The following CLUL1 variants were observed in gnomAD, a reference collection of about 807,000 sequenced individuals.
The protein encoded by CLUL1 is clusterin like 1.
In CLUL1, 43 loss-of-function variants were observed where a neutral mutation model predicts 49.4. That is an observed-to-expected ratio of 0.87 (90% CI 0.68 to 1.12). The LOEUF (loss-of-function observed/expected upper bound fraction) is 1.12, where lower values mean the gene tolerates loss of function less well. Ranked by LOEUF, CLUL1 falls within the 50% of genes most tolerant of loss-of-function variation. The pLI is 0.00. For missense variants in CLUL1, 486 were observed against 544.4 expected, an observed-to-expected ratio of 0.89 and a Z score of 1.07; for synonymous variants, 192 against 184.9, an observed-to-expected ratio of 1.04 and a Z score of -0.31.
At chr18:608,602 C>T (rs779646953) in intron 2 of CLUL1, among the ~76,000 whole-genome samples, 2 of 152,182 alleles carry the variant, frequency 1.3e-5, no homozygotes, top group Non-Finnish European at 2.9e-5. Flanking sequence ...CCTGTAGTCT[C>T]AGTGCTTTAG....
rs1161315710 is a variant in CLUL1, at chr18:619,318, C to G, written c.212C>G (p.Thr71Ser). Residue 71 changes from threonine to serine, a missense_variant, in exon 4 of 10, where the codon ACC becomes AGC. Physicochemically the swap from Thr to Ser is moderately conservative, Grantham distance 58. Transcript: ENST00000692774. ...ATGGAAAGAAAAGAGAAGGAACACACCAATCTAATGAGCACCCTGAAGAAA... is the reference window on the plus strand; with the variant it reads ...ATGGAAAGAAAAGAGAAGGAACACAGCAATCTAATGAGCACCCTGAAGAAA... ...IMMERKEKEHTNLMSTLKKCR... is the reference protein window; with the variant it reads ...IMMERKEKEHSNLMSTLKKCR... 1.9e-6 allele frequency: 3 copies of G among 1,613,692 alleles called. No homozygotes were observed. Among genetic ancestry groups the G allele is most frequent in the African/African-American group, 2.7e-5 (2 of 74,882 alleles).
chr18:634,608 C>T (rs1454488953), intron 7 of CLUL1, among the ~76,000 whole-genome samples: 1 of 152,112 alleles, frequency 6.6e-6, no homozygotes, highest in Non-Finnish European at 1.5e-5. Flanking sequence ...AGAACCCCTG[C>T]CCCCAACCAT....
Position 632,892 on chromosome 18 carries a change from T to C in CLUL1, c.857-406T>C, listed in dbSNP as rs553363158. On this transcript the variant is annotated intron_variant, in intron 6 of 9. Coordinates refer to ENST00000692774, the MANE Select transcript of CLUL1 (RefSeq NM_001393344.1). ...AAAAAGGGCCAGGGGCGGTGGCTCA[T>C]GCCTGTAATCCCAGCACTTTGGGAG... Among the ~76,000 whole-genome samples the C allele has an allele frequency of 2.8e-3, 421 of 152,288 alleles. 5 individuals are homozygous for C. The highest frequency in any genetic ancestry group is 9.6e-3 in the African/African-American group (397 of 41,562).
chr18:645,290 G>A, intron 9 of CLUL1, 193 bp downstream of exon 9: 1 of 460,084 alleles, frequency 2.2e-6, no homozygotes. Flanking sequence ...ATCCTGATAG[G>A]AATGTGATGA....
intron 6 of CLUL1, among the ~76,000 whole-genome samples, chr18:631,144 G>A (rs1197996307): frequency 2.6e-5 from 4 of 152,120 alleles, no homozygotes; most frequent in East Asian, 1.9e-4. Context: ...AAAGGAGAGC[G>A]GAAATAAAAA....
chr18:626,908 AAAG>A (rs1567966474), intron 5 of CLUL1, among the ~76,000 whole-genome samples, 186 bp from the exon 6 acceptor site: 14 of 758 alleles, frequency 0.018, 3 homozygotes, highest in East Asian at 1. Context: ...AGAAAGAAAG[AAAG>A]AAAGAAAGAA....
chr18:613,377 A>G (rs1226636214), intron 2 of CLUL1: 2 of 273,092 alleles, frequency 7.3e-6, no homozygotes, highest in Non-Finnish European at 1.4e-5. Context: ...GACCCAAGTG[A>G]TCTGCCTGCC....
intron 7 of CLUL1, among the ~76,000 whole-genome samples, chr18:640,569 C>T (rs1228061895): frequency 2.6e-5 from 4 of 151,858 alleles, no homozygotes; most frequent in African/African-American, 4.8e-5. Context: ...GTGTAGTTTG[C>T]AAGGGTTAGC....
At chr18:637,844 T>C (rs956613676) in intron 7 of CLUL1, among the ~76,000 whole-genome samples, 62 of 152,140 alleles carry the variant, frequency 4.1e-4, no homozygotes, top group African/African-American at 1.4e-3. Context: ...TATGGTGGTA[T>C]GAACCTGTAA....
Position 643,784 on chromosome 18 carries a change from G to T in CLUL1, c.1210-1126G>T, listed in dbSNP as rs541476527. The stretch of plus-strand genomic sequence containing the variant: ...TTCTAAGAACTTTTTCCATATATCA[G>T]ATCATTTAATACCCTCAATGACCCT... On this transcript the variant is annotated intron_variant, in intron 8 of 9. Coordinates refer to ENST00000692774, the MANE Select transcript of CLUL1 (RefSeq NM_001393344.1). 7.9e-5 allele frequency among the ~76,000 whole-genome samples: 12 copies of T among 152,284 alleles called. 1 individual carries two copies. The South Asian group carries it at 2.5e-3, about 32-fold the overall frequency.
At position 606,393 on chromosome 18, in the gene CLUL1, T is replaced by G. The variant is rs2072974601; in HGVS notation, c.-135-585T>G. On this transcript the variant is annotated intron_variant, in intron 1 of 9. Transcript: ENST00000692774. This position sits in a 1 kb window ranked among gnomAD's most constrained non-coding sequence, Gnocchi z 4.1. ...CCAACCTTTCTCTGAGGGAACCTAC[T>G]GGCCACCTCCCTCTTAGGACCAGCC... Among the ~76,000 whole-genome samples, 1 of 152,232 alleles carries G rather than the reference T, an allele frequency of 6.6e-6. No individual in the cohort carries two copies. The highest frequency in any genetic ancestry group is 1.5e-5 in the Non-Finnish European group (1 of 68,038).
chr18:614,299 A>G (rs2073226161), intron 2 of CLUL1, among the ~76,000 whole-genome samples: 1 of 141,996 alleles, frequency 7.0e-6, no homozygotes, highest in African/African-American at 2.6e-5. Flanking sequence ...GGAAAGAAGG[A>G]AGGGAGGAAG....
At chr18:630,108 T>A (rs947416858) in intron 6 of CLUL1, among the ~76,000 whole-genome samples, 10 of 152,126 alleles carry the variant, frequency 6.6e-5, no homozygotes, top group African/African-American at 2.4e-4. Context: ...CTGACTTTAT[T>A]TTTATTTATT....
chr18:618,021 G>A lies in CLUL1; in HGVS notation c.21G>A (p.Val7=), dbSNP rs201337289. The part of the protein sequence containing the change: MKPPLL[V]FIVCLLWLKD... ...GGAACATGAAGCCGCCACTCTTGGT[G>A]TTTATTGTGTGTCTGCTGTGGTTGA... The change falls in exon 3 of 10, where the codon GTG becomes GTA. Residue 7 remains valine (V), a synonymous_variant. Coordinates refer to ENST00000692774, the MANE Select transcript of CLUL1 (RefSeq NM_001393344.1). This position sits in a 1 kb window ranked among gnomAD's most constrained non-coding sequence, Gnocchi z 4.2. The A allele has an allele frequency of 5.8e-5, 94 of 1,614,120 alleles. No homozygotes were observed. The highest frequency in any genetic ancestry group is 2.2e-5 in the East Asian group (1 of 44,892).
At chr18:623,729 G>T (rs958423179) in intron 4 of CLUL1, among the ~76,000 whole-genome samples, 5 of 150,732 alleles carry the variant, frequency 3.3e-5, no homozygotes, top group African/African-American at 1.2e-4. Context: ...TCCTGTCTGG[G>T]TCAAAATGTA....
At chr18:617,383 T>C (rs1567960449) in intron 2 of CLUL1, among the ~76,000 whole-genome samples, 1 of 151,792 alleles carries the variant, frequency 6.6e-6, no homozygotes, top group Non-Finnish European at 1.5e-5. Context: ...TCACCTGAGG[T>C]CAGTAGTTCG....
chr18:627,261 CAGG>C lies in CLUL1; in HGVS notation c.591_593del (p.Arg197del). The C allele has an allele frequency of 1.9e-6, 3 of 1,613,970 alleles. No individual in the cohort carries two copies. The highest frequency in any genetic ancestry group is 8.5e-7 in the Non-Finnish European group (1 of 1,179,994). On this transcript the variant is annotated inframe_deletion, in exon 6 of 10. Transcript: ENST00000692774. ...CTGTGGATGTGAATTCTCTCTTTAA[CAGG>C]AGTTTTAACGTCTTCAGACAGATGC...
chr18:600,567 C>G (rs878954922), intron 1 of CLUL1, among the ~76,000 whole-genome samples: 1 of 152,168 alleles, frequency 6.6e-6, no homozygotes, highest in Admixed American at 6.6e-5. Flanking sequence ...GAAATACACT[C>G]AGAAACCTGA....
chr18:614,448 C>G (rs1167460339), intron 2 of CLUL1: 1 of 152,080 alleles, frequency 6.6e-6, no homozygotes, highest in Non-Finnish European at 1.5e-5. Flanking sequence ...TTATTTAGAT[C>G]CTTATACTTT....
Sources: gnomAD v4.1 joint callset for allele counts (sites outside exome capture counted in the v4.1 genomes callset) on GRCh38, gnomAD v4.1.1 for gene constraint, Gnocchi (gnomAD v3.1) non-coding constraint, MANE v1.5 for transcripts, NCBI Gene and HGNC (gene_info 2026-07-23, HGNC 2026-07-21) for gene names.